The following ANXA8 variants were observed in gnomAD, a reference collection of about 807,000 sequenced individuals.
ANXA8 encodes the protein annexin A8.
Under a neutral mutation model 26.8 loss-of-function variants are expected in ANXA8, and 9 were observed. The ratio of observed to expected loss-of-function variants is 0.34; its 90% CI spans 0.20 to 0.59. The LOEUF (loss-of-function observed/expected upper bound fraction) is 0.59. Among genes scored for constraint, ANXA8 ranks in the 20% least tolerant of loss-of-function variants. ANXA8 has a pLI of 0.84. For synonymous variants in ANXA8, 39 were observed against 94.8 expected, an observed-to-expected ratio of 0.41 and a Z score of 3.42; for missense variants, 83 against 238.5, an observed-to-expected ratio of 0.35 and a Z score of 4.29.
At chr10:47,527,612 G>A in the ANXA8 span, among the ~76,000 whole-genome samples, 14 of 145,068 alleles carry the variant, frequency 9.7e-5, no homozygotes, top group Admixed American at 4.2e-4. Flanking sequence ...CAGGAAGGCA[G>A]GAAAGCTACA....
the ANXA8 span, among the ~76,000 whole-genome samples, chr10:47,761,190 CCTGTTCTG>C: frequency 6.7e-6 from 1 of 150,194 alleles, no homozygotes; most frequent in Non-Finnish European, 1.5e-5. Context: ...GGTTTGGATT[CCTGTTCTG>C]CCACTTACTA....
chr10:47,973,983 C>A, the ANXA8 span, among the ~76,000 whole-genome samples: 1 of 150,806 alleles, frequency 6.6e-6, no homozygotes, highest in Non-Finnish European at 1.5e-5. Flanking sequence ...TCAGTCTCTT[C>A]CTGATTCAAT....
At chr10:47,748,060 A>C in the ANXA8 span, among the ~76,000 whole-genome samples, 1 of 152,186 alleles carries the variant, frequency 6.6e-6, no homozygotes, top group Non-Finnish European at 1.5e-5. Context: ...CCTAACACAT[A>C]TGTAACTGGA....
the ANXA8 span, among the ~76,000 whole-genome samples, chr10:47,666,832 C>T: frequency 1.3e-5 from 2 of 152,056 alleles, no homozygotes; most frequent in East Asian, 3.9e-4. Flanking sequence ...GGTAACCATC[C>T]TCAACTCATA....
chr10:47,948,841 A>G, the ANXA8 span, among the ~76,000 whole-genome samples: 1 of 151,760 alleles, frequency 6.6e-6, no homozygotes, highest in African/African-American at 2.4e-5. Context: ...GCCAGTGGCT[A>G]AGAAATGTGG....
the ANXA8 span, among the ~76,000 whole-genome samples, chr10:47,982,691 C>G: frequency 2.1e-5 from 3 of 140,400 alleles, 1 homozygote; most frequent in Non-Finnish European, 3.1e-5. Flanking sequence ...AGTGACCAAA[C>G]AAAAAAAAAT....
the ANXA8 span, among the ~76,000 whole-genome samples, chr10:47,985,203 G>A: frequency 4.0e-5 from 6 of 149,470 alleles, no homozygotes; most frequent in Non-Finnish European, 8.9e-5. Context: ...TCAGCATGTG[G>A]AAATATACTT....
chr10:47,969,429 C>G, the ANXA8 span, among the ~76,000 whole-genome samples: 2 of 148,782 alleles, frequency 1.3e-5, no homozygotes, highest in South Asian at 4.3e-4. Flanking sequence ...GGCCAGAAGT[C>G]CAGCATGGGC....
At chr10:47,727,387 T>A in the ANXA8 span, among the ~76,000 whole-genome samples, 6 of 152,262 alleles carry the variant, frequency 3.9e-5, no homozygotes, top group African/African-American at 1.4e-4. Flanking sequence ...ACTCCATTCC[T>A]GTTCTCATTA....
At chr10:47,584,309 T>G in the ANXA8 span, among the ~76,000 whole-genome samples, 1 of 147,512 alleles carries the variant, frequency 6.8e-6, no homozygotes, top group Non-Finnish European at 1.5e-5. Context: ...ATGCATTGTT[T>G]CCCGTCTCCT....
the ANXA8 span, chr10:47,706,110 C>G: frequency 1.6e-6 from 1 of 611,968 alleles, no homozygotes; most frequent in African/African-American, 1.9e-5. Context: ...CTGTATGCCG[C>G]TCTCTCCCGG....
chr10:47,941,862 G>A, the ANXA8 span, among the ~76,000 whole-genome samples: 2,075 of 147,662 alleles, frequency 0.014, 254 homozygotes, highest in African/African-American at 0.038. Flanking sequence ...GCTCAGAGCT[G>A]ACAGGGGAGT....
At chr10:47,907,344 G>A in the ANXA8 span, among the ~76,000 whole-genome samples, 5 of 152,010 alleles carry the variant, frequency 3.3e-5, no homozygotes, top group South Asian at 4.2e-4. Context: ...GCGACAGAGC[G>A]AGACTCCGTC....
the ANXA8 span, among the ~76,000 whole-genome samples, chr10:47,571,550 TG>T: frequency 4.0e-5 from 6 of 149,386 alleles, no homozygotes. Flanking sequence ...AGCATCAGCT[TG>T]TAAATTTCTA....
the ANXA8 span, among the ~76,000 whole-genome samples, chr10:47,585,626 A>G: frequency 6.8e-6 from 1 of 146,196 alleles, no homozygotes; most frequent in Non-Finnish European, 1.5e-5. Context: ...CAAGAAAATA[A>G]GTATAAACCA....
the ANXA8 span, among the ~76,000 whole-genome samples, chr10:47,888,983 T>C: frequency 0.24 from 4,962 of 20,306 alleles, 303 homozygotes; most frequent in East Asian, 0.48. Flanking sequence ...ATAATATATA[T>C]GTGTGTGTGT....
At chr10:47,706,035 T>G in the ANXA8 span, among the ~76,000 whole-genome samples, 1 of 152,046 alleles carries the variant, frequency 6.6e-6, no homozygotes, top group Admixed American at 6.5e-5. Flanking sequence ...CGCGGTCGGT[T>G]CCGGGCGGTT....
the ANXA8 span, among the ~76,000 whole-genome samples, chr10:47,733,247 CTTTCTTTCTTTCTT>C: frequency 1.1e-5 from 1 of 87,540 alleles, no homozygotes; most frequent in Non-Finnish European, 2.3e-5. Flanking sequence ...TTCTTTCTTT[CTTTCTTTCTTTCTT>C]TCTTTCTTTC....
chr10:47,697,185 T>G, the ANXA8 span, among the ~76,000 whole-genome samples: 1 of 152,224 alleles, frequency 6.6e-6, no homozygotes, highest in Non-Finnish European at 1.5e-5. Flanking sequence ...AGACCAGGAT[T>G]TGAATCCTGG....
Sources: gnomAD v4.1 joint callset for allele counts (sites outside exome capture counted in the v4.1 genomes callset) on GRCh38, gnomAD v4.1.1 for gene constraint, MANE v1.5 for transcripts, NCBI Gene and HGNC (gene_info 2026-07-23, HGNC 2026-07-21) for gene names.